The following CSMD1 variants were observed in gnomAD, a reference collection of about 807,000 sequenced individuals.
CSMD1 encodes CUB and sushi domain-containing protein 1.
Under a neutral mutation model 417.5 loss-of-function variants are expected in CSMD1, and 213 were observed. The ratio of observed to expected loss-of-function variants is 0.51; its 90% CI spans 0.46 to 0.57. The LOEUF (loss-of-function observed/expected upper bound fraction) is 0.57, where lower values mean the gene tolerates loss of function less well. CSMD1 is among the 20% of genes least tolerant of loss of function. The probability of loss-of-function intolerance (pLI) is 0.00; values close to 1 mark genes in which losing one functional copy is unlikely to be tolerated. For synonymous variants in CSMD1, 2,862 were observed against 1,736.8 expected (o/e 1.65, Z -16.11); for missense variants, 6,923 against 4,529.7 (o/e 1.53, Z -15.17).
At chr8:3,813,383 G>A (rs1482327068) in intron 5 of CSMD1, among the ~76,000 whole-genome samples, 1 of 152,072 alleles carries the variant, frequency 6.6e-6, no homozygotes, top group Admixed American at 6.6e-5. Context: ...AAACAGTCTA[G>A]GAGATTTAAG....
At chr8:3,428,651 T>C (rs961702974) in intron 12 of CSMD1, among the ~76,000 whole-genome samples, 1 of 152,126 alleles carries the variant, frequency 6.6e-6, no homozygotes, top group Non-Finnish European at 1.5e-5. Flanking sequence ...TATGCAGCTT[T>C]CTTATAAAAG....
chr8:4,102,344 G>T (rs1249332190), intron 3 of CSMD1, among the ~76,000 whole-genome samples: 1 of 152,062 alleles, frequency 6.6e-6, no homozygotes, highest in Non-Finnish European at 1.5e-5. Context: ...TAGAATTTTT[G>T]CTTTGTTTTT....
intron 42 of CSMD1, among the ~76,000 whole-genome samples, chr8:3,117,882 T>C (rs986649210): frequency 6.6e-6 from 1 of 152,132 alleles, no homozygotes; most frequent in Non-Finnish European, 1.5e-5. Context: ...CTACCTGGAG[T>C]GTTCCACCTC....
chr8:2,992,358 G>A (rs949313302), intron 54 of CSMD1, among the ~76,000 whole-genome samples: 14 of 152,124 alleles, frequency 9.2e-5, no homozygotes, highest in African/African-American at 2.7e-4. Flanking sequence ...CATGGTCATG[G>A]CGAAAGCGCC....
At chr8:3,955,117 C>A (rs1409541097) in intron 5 of CSMD1, among the ~76,000 whole-genome samples, 1 of 152,168 alleles carries the variant, frequency 6.6e-6, no homozygotes, top group Non-Finnish European at 1.5e-5. Flanking sequence ...TCTCCTGCCC[C>A]CCTCATACCT....
intron 4 of CSMD1, among the ~76,000 whole-genome samples, chr8:4,025,641 G>A (rs1188537048): frequency 6.6e-6 from 1 of 152,032 alleles, no homozygotes; most frequent in Non-Finnish European, 1.5e-5. Context: ...CAATGAATAA[G>A]GTGAATTAAG....
chr8:3,906,586 C>G (rs1584944315), intron 5 of CSMD1, among the ~76,000 whole-genome samples: 1 of 148,668 alleles, frequency 6.7e-6, no homozygotes, highest in Non-Finnish European at 1.5e-5. Flanking sequence ...TGTGGGATAT[C>G]ATCATAAAAG....
chr8:3,416,452 G>A (rs925693962), intron 12 of CSMD1, among the ~76,000 whole-genome samples: 1 of 152,060 alleles, frequency 6.6e-6, no homozygotes, highest in Admixed American at 6.6e-5. Context: ...GGACTATGAT[G>A]GATTTTTAAA....
intron 2 of CSMD1, among the ~76,000 whole-genome samples, chr8:4,524,166 A>G (rs2130415775): frequency 6.6e-6 from 1 of 152,274 alleles, no homozygotes; most frequent in South Asian, 2.1e-4. Context: ...TTGTATGTAT[A>G]AAGAAAGCAG....
At chr8:4,915,285 C>T (rs927234772) in intron 1 of CSMD1, among the ~76,000 whole-genome samples, 2 of 152,044 alleles carry the variant, frequency 1.3e-5, no homozygotes, top group Admixed American at 1.3e-4. Context: ...AGGCATAACA[C>T]CCCTCCCAAA....
At chr8:4,106,966 A>T (rs942979769) in intron 3 of CSMD1, among the ~76,000 whole-genome samples, 1 of 152,226 alleles carries the variant, frequency 6.6e-6, no homozygotes, top group African/African-American at 2.4e-5. Context: ...GAGAAGCTCT[A>T]CGTCAGAGAC....
rs534262168 is a variant in CSMD1 at position 3,967,995 on chromosome 8, G to A, written c.818+29908C>T. Among the ~76,000 whole-genome samples the A allele has an allele frequency of 8.0e-3, 873 of 108,860 alleles. 13 individuals are homozygous for A. Among genetic ancestry groups the A allele is most frequent in the African/African-American group, 0.031 (816 of 26,330 alleles). 71.4% of individuals were successfully genotyped at this position (108,860 alleles called of 152,430 possible). A position where few individuals can be genotyped will look rare whatever the true frequency, so the allele number is the denominator to read the frequency against. On this transcript the variant is annotated intron_variant, in intron 5 of 69. Transcript: ENST00000635120. ...ATCCTGGCCAACACGGTGAAACCCCGTCACTGCTTAAAAAAAAAAAAAAAA... is the reference window on the plus strand; with the variant it reads ...ATCCTGGCCAACACGGTGAAACCCCATCACTGCTTAAAAAAAAAAAAAAAA...
chr8:3,753,208 C>G (rs1265613692), intron 6 of CSMD1, among the ~76,000 whole-genome samples: 2 of 152,094 alleles, frequency 1.3e-5, no homozygotes, highest in African/African-American at 2.4e-5. Context: ...TGGGAAGGTC[C>G]ATTATTTTCA....
intron 2 of CSMD1, among the ~76,000 whole-genome samples, chr8:4,436,747 C>T (rs1049473992): frequency 9.9e-5 from 15 of 152,080 alleles, no homozygotes; most frequent in African/African-American, 3.4e-4. Flanking sequence ...ATTTTTAGAT[C>T]CCACAAATAA....
intron 31 of CSMD1, 115 bp from the exon 32 acceptor site, chr8:3,201,840 TG>T: frequency 8.3e-6 from 3 of 363,242 alleles, no homozygotes; most frequent in East Asian, 3.6e-5. Flanking sequence ...CCTAAGAATT[TG>T]GTAAAAAAAT....
At chr8:4,368,276 T>C (rs1324437015) in intron 3 of CSMD1, among the ~76,000 whole-genome samples, 4 of 152,236 alleles carry the variant, frequency 2.6e-5, no homozygotes, top group Non-Finnish European at 4.4e-5. Flanking sequence ...TCTGTGTATA[T>C]GGTGAATCAC....
intron 54 of CSMD1, among the ~76,000 whole-genome samples, chr8:2,996,545 G>A (rs866354204): frequency 4.6e-5 from 7 of 152,308 alleles, no homozygotes; most frequent in Middle Eastern, 6.8e-3. Flanking sequence ...GCTCTGCTCC[G>A]TATGGAGTCC....
chr8:4,463,033 A>C (rs528254851), intron 2 of CSMD1, among the ~76,000 whole-genome samples: 1 of 152,210 alleles, frequency 6.6e-6, no homozygotes, highest in Non-Finnish European at 1.5e-5. Flanking sequence ...GAAAGTTTGC[A>C]AATTATATAA....
chr8:3,503,833 GC>G (rs1265240238), intron 10 of CSMD1, among the ~76,000 whole-genome samples: 90 of 69,624 alleles, frequency 1.3e-3, no homozygotes, highest in South Asian at 4.4e-3. Flanking sequence ...ATCCCCCCTT[GC>G]CCCCCCCCAA....
Sources: allele counts gnomAD v4.1 joint callset (sites outside exome capture counted in the v4.1 genomes callset), GRCh38; gene constraint gnomAD v4.1.1; transcripts MANE v1.5; gene names NCBI Gene and HGNC (gene_info 2026-07-23, HGNC 2026-07-21).